TAFA4: variants seen among roughly 807,000 people sequenced by gnomAD.
TAFA4 encodes the protein TAFA chemokine like family member 4, also known as chemokine-like protein TAFA-4.
TAFA4 carries 20 observed loss-of-function variants against 21.1 expected under a neutral mutation model. The observed-to-expected ratio is 0.95, with a 90% CI of 0.67 to 1.38. The LOEUF is 1.38. TAFA4 is among the 40% of genes most tolerant of loss of function. The probability of loss-of-function intolerance (pLI) is 0.00; values close to 1 mark genes in which losing one functional copy is unlikely to be tolerated. For missense variants in TAFA4, 211 were observed against 180.9 expected (o/e 1.17, Z -0.95); for synonymous variants, 71 against 67.4 (o/e 1.05, Z -0.26).
intron 3 of TAFA4, among the ~76,000 whole-genome samples, chr3:68,841,830 AATG>A (rs1412707892): frequency 2.6e-5 from 4 of 152,018 alleles, no homozygotes; most frequent in African/African-American, 9.7e-5. Context: ...TTTTGCTGAG[AATG>A]ATGGTTTCCA....
intron 3 of TAFA4, among the ~76,000 whole-genome samples, chr3:68,873,980 T>G (rs963289748): frequency 1.3e-5 from 2 of 152,156 alleles, no homozygotes; most frequent in South Asian, 2.1e-4. Context: ...ACAACACTGT[T>G]GCTATTCACT....
Position 68,753,037 on chromosome 3 carries a change from G to T in TAFA4, c.131-19C>A. The T allele has an allele frequency of 6.2e-7, 1 of 1,607,488 alleles. No homozygotes were observed. The highest frequency in any genetic ancestry group is 1.1e-5 in the South Asian group (1 of 90,510). ...TGGTGACCTAGTTGGTAATGGGGGA[G>T]AAAAACAAACCCAGTGCTGTTAGAA... On this transcript the variant is annotated intron_variant, in intron 3 of 5. Transcript: ENST00000295569.
chr3:68,890,727 T>C (rs972988006), intron 1 of TAFA4, among the ~76,000 whole-genome samples: 1 of 152,194 alleles, frequency 6.6e-6, no homozygotes, highest in African/African-American at 2.4e-5. Context: ...AGTAAAAGTA[T>C]TTCCAAAAAA....
rs148220173 is a variant in TAFA4 at position 68,796,997 on chromosome 3, G to A, written c.131-43979C>T. Among the ~76,000 whole-genome samples the A allele has an allele frequency of 4.1e-3, 620 of 152,218 alleles. 3 individuals carry two copies. Among genetic ancestry groups the A allele is most frequent in the African/African-American group, 0.014 (602 of 41,554 alleles). ...AAGTAAATAAATAAAATAGAAAATAGCAAGTGTTGTTGAGGATGTGGAGAA... is the reference window on the plus strand; with the variant it reads ...AAGTAAATAAATAAAATAGAAAATAACAAGTGTTGTTGAGGATGTGGAGAA... On this transcript the variant is annotated intron_variant, in intron 3 of 5. Transcript: ENST00000295569.
intron 3 of TAFA4, among the ~76,000 whole-genome samples, chr3:68,852,570 AG>A (rs1485739846): frequency 2.6e-5 from 4 of 152,178 alleles, no homozygotes; most frequent in Non-Finnish European, 5.9e-5. Context: ...CAACCAACTC[AG>A]GGTATGGAGA....
rs190525307 is a variant in TAFA4 at position 68,738,060 on chromosome 3, A to C, written c.411+1015T>G. On this transcript the variant is annotated intron_variant, in intron 5 of 5. Coordinates refer to ENST00000295569, the MANE Select transcript of TAFA4 (RefSeq NM_182522.5). ...CAGAAAGCTCTAGGTATTAAGCAAAATATGGATAGCAATCTATGTAAAATG... is the reference window on the plus strand; with the variant it reads ...CAGAAAGCTCTAGGTATTAAGCAAACTATGGATAGCAATCTATGTAAAATG... 3.3e-3 allele frequency among the ~76,000 whole-genome samples: 508 copies of C among 152,334 alleles called. 1 individual carries two copies. Among genetic ancestry groups the C allele is most frequent in the Non-Finnish European group, 5.6e-3 (382 of 68,026 alleles).
intron 3 of TAFA4, among the ~76,000 whole-genome samples, chr3:68,765,143 T>C (rs919532225): frequency 6.6e-6 from 1 of 152,180 alleles, no homozygotes; most frequent in Non-Finnish European, 1.5e-5. Context: ...GTTTTAGTCC[T>C]TATAAGTCCT....
chr3:68,776,803 T>C (rs909814237), intron 3 of TAFA4, among the ~76,000 whole-genome samples: 3 of 152,056 alleles, frequency 2.0e-5, no homozygotes, highest in African/African-American at 7.2e-5. Flanking sequence ...ACAAAAAACA[T>C]GATATCTAAA....
intron 3 of TAFA4, among the ~76,000 whole-genome samples, chr3:68,864,972 G>A (rs1382595435): frequency 6.6e-6 from 1 of 152,060 alleles, no homozygotes; most frequent in Non-Finnish European, 1.5e-5. Flanking sequence ...GGAAAGAGGA[G>A]CTGATTACAA....
chr3:68,834,730 C>G (rs1309722516), intron 3 of TAFA4, among the ~76,000 whole-genome samples: 1 of 152,114 alleles, frequency 6.6e-6, no homozygotes. Context: ...CTTGATTCCC[C>G]TCTTTCTCTT....
At chr3:68,877,278 GA>G (rs1486603390) in intron 3 of TAFA4, among the ~76,000 whole-genome samples, 1 of 152,134 alleles carries the variant, frequency 6.6e-6, no homozygotes, top group East Asian at 1.9e-4. Context: ...AGAATCACTT[GA>G]ACCTGGGAGG....
At chr3:68,804,694 C>T (rs926435023) in intron 3 of TAFA4, among the ~76,000 whole-genome samples, 16 of 152,126 alleles carry the variant, frequency 1.1e-4, no homozygotes, top group African/African-American at 2.9e-4. Flanking sequence ...GAAAAACAAG[C>T]AATGGGGAAA....
intron 1 of TAFA4, among the ~76,000 whole-genome samples, chr3:68,903,410 G>A (rs150404632): frequency 5.5e-4 from 83 of 152,244 alleles, no homozygotes; most frequent in Non-Finnish European, 9.4e-4. Context: ...TGACTTGGCC[G>A]CAAATAGAAA....
At chr3:68,877,323 C>T (rs990748763) in intron 3 of TAFA4, among the ~76,000 whole-genome samples, 15 of 152,128 alleles carry the variant, frequency 9.9e-5, no homozygotes, top group African/African-American at 3.6e-4. Flanking sequence ...TGCGCCACTG[C>T]ACTCCAGCAT....
chr3:68,827,573 C>G (rs547594322), intron 3 of TAFA4, among the ~76,000 whole-genome samples: 2 of 152,176 alleles, frequency 1.3e-5, no homozygotes, highest in Non-Finnish European at 2.9e-5. Context: ...TTAATGATCG[C>G]CATTCTAACT....
At chr3:68,839,148 C>G (rs1302897388) in intron 3 of TAFA4, among the ~76,000 whole-genome samples, 3 of 152,068 alleles carry the variant, frequency 2.0e-5, no homozygotes, top group African/African-American at 7.2e-5. Context: ...AGATTATATT[C>G]TAGCAGAGGG....
intron 2 of TAFA4, 127 bp downstream of exon 2, chr3:68,885,048 C>G: frequency 1.2e-6 from 1 of 836,576 alleles, no homozygotes; most frequent in Non-Finnish European, 1.8e-6. Context: ...CAACATTTCC[C>G]CAAATTCCCA....
chr3:68,802,306 CATTCTA>C (rs1268929572), intron 3 of TAFA4, among the ~76,000 whole-genome samples: 1 of 152,062 alleles, frequency 6.6e-6, no homozygotes, highest in African/African-American at 2.4e-5. Flanking sequence ...AAATATGGAG[CATTCTA>C]ATTCAAGTAT....
At chr3:68,837,497 C>T (rs2106888187) in intron 3 of TAFA4, among the ~76,000 whole-genome samples, 1 of 152,226 alleles carries the variant, frequency 6.6e-6, no homozygotes, top group East Asian at 1.9e-4. Flanking sequence ...GATTGTTTTC[C>T]AACTTAGTAA....
Sources: allele counts gnomAD v4.1 joint callset (sites outside exome capture counted in the v4.1 genomes callset), GRCh38; gene constraint gnomAD v4.1.1; transcripts MANE v1.5; gene names NCBI Gene and HGNC (gene_info 2026-07-23, HGNC 2026-07-21).